Variants in SNCAIP observed in about 807,000 individuals in gnomAD.
The protein encoded by SNCAIP is synphilin-1.
SNCAIP carries 43 observed loss-of-function variants against 86.7 expected under a neutral mutation model. The observed-to-expected ratio is 0.50, with a 90% CI of 0.39 to 0.64. SNCAIP has a LOEUF of 0.64. Ranked by LOEUF, SNCAIP falls within the 30% of genes least tolerant of loss-of-function variation. The pLI, the probability that SNCAIP is intolerant of heterozygous loss-of-function variation, is 0.00. For synonymous variants in SNCAIP, 417 were observed against 427.2 expected, an observed-to-expected ratio of 0.98 and a Z score of 0.29; for missense variants, 981 against 1,103.1, an observed-to-expected ratio of 0.89 and a Z score of 1.57.
chr5:122,314,862 A>T (rs529186072), intron 1 of SNCAIP, among the ~76,000 whole-genome samples: 111 of 152,308 alleles, frequency 7.3e-4, no homozygotes, highest in African/African-American at 2.4e-3. Context: ...TCGTGCATTT[A>T]CTTTGTGCTT....
At chr5:122,387,515 G>T (rs1768433896) in intron 1 of SNCAIP, among the ~76,000 whole-genome samples, 1 of 152,158 alleles carries the variant, frequency 6.6e-6, no homozygotes, top group Admixed American at 6.5e-5. Context: ...ATTTTGCTTA[G>T]GTATAAACCC....
At chr5:122,351,025 A>G (rs1759667116) in intron 1 of SNCAIP, among the ~76,000 whole-genome samples, 2 of 152,202 alleles carry the variant, frequency 1.3e-5, no homozygotes, top group South Asian at 4.1e-4. Flanking sequence ...TAGCACATCA[A>G]TTACTATGAC....
Position 122,451,557 on chromosome 5 carries a change from A to G in SNCAIP, c.2710A>G (p.Lys904Glu), listed in dbSNP as rs751412863. The change falls in exon 10 of 11, where the codon AAG (lysine) becomes GAG (glutamate). Residue 904 changes from lysine (K) to glutamate (E), a missense_variant. By Grantham distance (56) the Lys-to-Glu change is moderately conservative. Coordinates refer to ENST00000261368, the MANE Select transcript of SNCAIP (RefSeq NM_005460.4). ...CTCACTTGGGAGGAAGACAGATGCC[A>G]AGGGAAACCCTGCCAGCTCCGCTAG... ...LTSLGRKTDA[K>E]GNPASSASKG... 83 of 1,613,656 alleles carry G rather than the reference A, an allele frequency of 5.1e-5. No homozygotes were observed. The highest frequency in any genetic ancestry group is 6.6e-5 in the Non-Finnish European group (78 of 1,179,952).
intron 7 of SNCAIP, among the ~76,000 whole-genome samples, chr5:122,442,510 T>G (rs1380185598): frequency 6.6e-6 from 1 of 152,216 alleles, no homozygotes; most frequent in Non-Finnish European, 1.5e-5. Context: ...ATCAAGTTTT[T>G]AAAAGAGTGA....
chr5:122,442,551 T>G (rs1781284482), intron 7 of SNCAIP, among the ~76,000 whole-genome samples: 1 of 152,214 alleles, frequency 6.6e-6, no homozygotes, highest in Non-Finnish European at 1.5e-5. Context: ...GAGAGAAATT[T>G]AAATTCTTAA....
intron 6 of SNCAIP, chr5:122,436,590 T>G (rs1745849114): frequency 6.6e-6 from 1 of 152,196 alleles, no homozygotes; most frequent in Non-Finnish European, 1.5e-5. Flanking sequence ...ATTGCTGACC[T>G]TTATTTTTTA....
intron 3 of SNCAIP, among the ~76,000 whole-genome samples, chr5:122,421,666 T>C (rs944500604): frequency 2.6e-5 from 4 of 152,170 alleles, no homozygotes; most frequent in African/African-American, 9.6e-5. Flanking sequence ...GCATGCCCCC[T>C]GAAATCTCAT....
intron 1 of SNCAIP, among the ~76,000 whole-genome samples, chr5:122,387,547 T>C (rs772069774): frequency 1.5e-4 from 23 of 152,208 alleles, no homozygotes; most frequent in Non-Finnish European, 7.3e-5. Flanking sequence ...CCTCAGTAGG[T>C]TGGCTCTCTT....
At chr5:122,399,204 G>A (rs941411190) in intron 2 of SNCAIP, among the ~76,000 whole-genome samples, 2 of 152,112 alleles carry the variant, frequency 1.3e-5, no homozygotes, top group South Asian at 4.1e-4. Context: ...GAAGCTCTGA[G>A]GGCACACTTA....
At chr5:122,317,297 A>G (rs1751954944) in intron 1 of SNCAIP, among the ~76,000 whole-genome samples, 2 of 152,230 alleles carry the variant, frequency 1.3e-5, no homozygotes, top group South Asian at 4.1e-4. Flanking sequence ...TACTTGCTCA[A>G]GTAGGAAAGG....
chr5:122,447,560 C>T (rs963408311), intron 8 of SNCAIP, among the ~76,000 whole-genome samples: 9 of 152,168 alleles, frequency 5.9e-5, no homozygotes, highest in Non-Finnish European at 8.8e-5. Context: ...TAAAAGCAGA[C>T]GCTAATCTTT....
At chr5:122,367,999 C>G (rs1763520252) in intron 1 of SNCAIP, among the ~76,000 whole-genome samples, 2 of 152,208 alleles carry the variant, frequency 1.3e-5, no homozygotes, top group South Asian at 4.1e-4. Flanking sequence ...TAGGACTTGC[C>G]AAACCTTTCA....
chr5:122,334,050 AAAC>A (rs1347627815), intron 1 of SNCAIP, among the ~76,000 whole-genome samples: 48 of 152,226 alleles, frequency 3.2e-4, no homozygotes, highest in Non-Finnish European at 2.9e-5. Context: ...ATCATGAGTC[AAAC>A]AACAACATGA....
chr5:122,437,245 G>C (rs1779702403), intron 6 of SNCAIP: 1 of 152,162 alleles, frequency 6.6e-6, no homozygotes, highest in Non-Finnish European at 1.5e-5. Context: ...GAAAAGTTTT[G>C]TCCTTCTTAG....
At chr5:122,388,114 A>G (rs886827879) in intron 1 of SNCAIP, among the ~76,000 whole-genome samples, 5 of 152,212 alleles carry the variant, frequency 3.3e-5, no homozygotes, top group Non-Finnish European at 7.3e-5. Flanking sequence ...CCCCATGGAC[A>G]GGTAGGAGCA....
chr5:122,438,172 C>G (rs1779957610), intron 6 of SNCAIP, among the ~76,000 whole-genome samples: 1 of 152,176 alleles, frequency 6.6e-6, no homozygotes, highest in Non-Finnish European at 1.5e-5. Context: ...TGGTTTCTTT[C>G]AACATCATCT....
intron 1 of SNCAIP, among the ~76,000 whole-genome samples, chr5:122,384,060 A>G (rs1387311661): frequency 1.3e-5 from 2 of 152,206 alleles, no homozygotes; most frequent in Non-Finnish European, 2.9e-5. Context: ...AGGGTAATTC[A>G]TTTGGAGTTA....
intron 1 of SNCAIP, among the ~76,000 whole-genome samples, chr5:122,315,369 A>T (rs1751494538): frequency 6.6e-6 from 1 of 152,200 alleles, no homozygotes; most frequent in Non-Finnish European, 1.5e-5. Flanking sequence ...ATAGTGTTGT[A>T]AGAGCAGTAA....
intron 8 of SNCAIP, among the ~76,000 whole-genome samples, chr5:122,449,434 A>C (rs751458956): frequency 2.6e-5 from 4 of 152,028 alleles, no homozygotes; most frequent in Admixed American, 6.5e-5. Flanking sequence ...ATTTAATGAA[A>C]GTAAAGTATA....
Sources: gnomAD v4.1 joint callset for allele counts (sites outside exome capture counted in the v4.1 genomes callset) on GRCh38, gnomAD v4.1.1 for gene constraint, MANE v1.5 for transcripts, NCBI Gene and HGNC (gene_info 2026-07-23, HGNC 2026-07-21) for gene names.